SARS2: variants seen among roughly 807,000 people sequenced by gnomAD.
The protein encoded by SARS2 is seryl-tRNA synthetase 2, mitochondrial.
In SARS2, 52 loss-of-function variants were observed where a neutral mutation model predicts 66.8. The observed-to-expected ratio is 0.78, with a 90% CI of 0.62 to 0.98. The LOEUF (loss-of-function observed/expected upper bound fraction) is 0.98. Among genes scored for constraint, SARS2 ranks in the 50% least tolerant of loss-of-function variants. The pLI is 0.00. For synonymous variants in SARS2, 306 were observed against 281.4 expected (o/e 1.09, Z -0.87); for missense variants, 673 against 706.3 (o/e 0.95, Z 0.53).
At position 38,915,306 on chromosome 19, in the gene SARS2, G is replaced by A; in HGVS notation, c.*300C>T. ...TATTGGGGACTTTTTGCTCAGCACT[G>A]TAGGAGGAAAGAAGGAAGGAGGGAT... On this transcript the variant is annotated 3_prime_UTR_variant, in exon 16 of 16. Transcript: ENST00000221431. 1 of 549,646 alleles carries A rather than the reference G, an allele frequency of 1.8e-6. No individual in the cohort carries two copies. Among genetic ancestry groups the A allele is most frequent in the South Asian group, 2.7e-5 (1 of 37,036 alleles). 34.0% of individuals were successfully genotyped at this position (549,646 alleles called of 1,614,324 possible). A position where few individuals can be genotyped will look rare whatever the true frequency, so the allele number is the denominator to read the frequency against.
In SARS2 at chr19:38,930,741, G is replaced by T. The variant is rs376534605; in HGVS notation, c.-5C>A. ...CCGCGCCATGGACGCAGCCATCTTG[G>T]ACCGGGAACAAGGCGGCACTTCGTC... is the stretch of plus-strand genomic sequence containing the variant. On this transcript the variant is annotated 5_prime_UTR_variant, in exon 1 of 16. Coordinates refer to ENST00000221431, the MANE Select transcript of SARS2 (RefSeq NM_017827.4). 1.8e-4 allele frequency: 293 copies of T among 1,612,686 alleles called. No individual in the cohort carries two copies. The highest frequency in any genetic ancestry group is 2.3e-4 in the Non-Finnish European group (267 of 1,180,018).
chr19:38,917,541 G>C (rs529481963), intron 12 of SARS2, among the ~76,000 whole-genome samples, 183 bp downstream of exon 12: 1 of 152,240 alleles, frequency 6.6e-6, no homozygotes, highest in African/African-American at 2.4e-5. Flanking sequence ...AGTCCTGTGA[G>C]GGACGACCGG....
In SARS2 at chr19:38,916,245, C is replaced by T; in HGVS notation, c.1230G>A (p.Met410Ile). 1 of 1,614,048 alleles carries T rather than the reference C, an allele frequency of 6.2e-7. No homozygotes were observed. Among genetic ancestry groups the T allele is most frequent in the Non-Finnish European group, 8.5e-7 (1 of 1,179,916 alleles). Residue 410 changes from methionine (M) to isoleucine (I), a missense_variant, in exon 13 of 16, where the codon ATG (methionine) becomes ATA (isoleucine). Met to Ile is a conservative substitution (Grantham distance 10, BLOSUM62 1). Transcript: ENST00000221431. ...CCTCTCCAAAGCGGCCTCGGCCTGG[C>T]ATCCAGGCCTCAATGTCAAACTTGC... ...AYRKFDIEAW[M>I]PGRGRFGEVT...
chr19:38,920,659 A>T (rs1974504960), intron 5 of SARS2, among the ~76,000 whole-genome samples: 1 of 151,958 alleles, frequency 6.6e-6, no homozygotes, highest in African/African-American at 2.4e-5. Flanking sequence ...ACATACACAG[A>T]CACGCAGAGA....
At chr19:38,923,697 C>G (rs761033801) in intron 2 of SARS2, among the ~76,000 whole-genome samples, 2 of 146,506 alleles carry the variant, frequency 1.4e-5, no homozygotes, top group Non-Finnish European at 3.0e-5. Flanking sequence ...ATACAAAAAT[C>G]AGGCCGGGCT....
intron 2 of SARS2, 48 bp downstream of exon 2, chr19:38,926,157 G>C: frequency 1.4e-6 from 2 of 1,467,688 alleles, no homozygotes; most frequent in Non-Finnish European, 1.9e-6. Flanking sequence ...CCTGTGTCTA[G>C]AGACACCCTC....
In SARS2 at chr19:38,915,711, G is replaced by A. The variant is rs369702288; in HGVS notation, c.1452C>T (p.Tyr484=). 2.5e-6 allele frequency: 4 copies of A among 1,613,304 alleles called. No individual in the cohort carries two copies. The highest frequency in any genetic ancestry group is 3.4e-6 in the Non-Finnish European group (4 of 1,179,602). The change falls in exon 16 of 16, where the codon TAC becomes TAT. Residue 484 remains tyrosine, a synonymous_variant. Transcript: ENST00000221431. The part of the protein sequence containing the change: ...SVLVPPALQS[Y]LGTDRITAPT... ...GGGCTGTGATCCGATCAGTGCCGAGGTAGGACTGGAGGGCAGGGGGCACGA... is the reference window on the plus strand; with the variant it reads ...GGGCTGTGATCCGATCAGTGCCGAGATAGGACTGGAGGGCAGGGGGCACGA...
chr19:38,918,542 G>C lies in SARS2; in HGVS notation c.808-12C>G, dbSNP rs892722176. Reference sequence around the variant, plus strand: ...ATCCCACAGCCTTCCTGGGGGAGGAGGCCAGGCCACAGGGATCAGGGGACA... The same window carrying C: ...ATCCCACAGCCTTCCTGGGGGAGGACGCCAGGCCACAGGGATCAGGGGACA... On this transcript the variant is annotated splice_polypyrimidine_tract_variant and intron_variant, in intron 8 of 15. Coordinates refer to ENST00000221431, the MANE Select transcript of SARS2 (RefSeq NM_017827.4). 5 of 1,597,308 alleles carry C rather than the reference G, an allele frequency of 3.1e-6. No homozygotes were observed. The highest frequency in any genetic ancestry group is 1.3e-5 in the African/African-American group (1 of 74,522).
chr19:38,915,548 G>T lies in SARS2; in HGVS notation c.*58C>A. 6.3e-7 allele frequency: 1 copy of T among 1,590,870 alleles called. No individual in the cohort carries two copies. The highest frequency in any genetic ancestry group is 8.6e-7 in the Non-Finnish European group (1 of 1,168,774). ...TCAGCAACACAGGTCCCAGGTGTCC[G>T]GGGTCTCCTGAACTCCAGGAAGCAG... On this transcript the variant is annotated 3_prime_UTR_variant, in exon 16 of 16. Coordinates refer to ENST00000221431, the MANE Select transcript of SARS2 (RefSeq NM_017827.4).
intron 1 of SARS2, among the ~76,000 whole-genome samples, chr19:38,929,815 G>A (rs1349433392): frequency 6.6e-6 from 1 of 152,120 alleles, no homozygotes; most frequent in African/African-American, 2.4e-5. Context: ...GAAGACGTGG[G>A]GACCCCACTA....
intron 2 of SARS2, among the ~76,000 whole-genome samples, 163 bp downstream of exon 2, chr19:38,926,042 C>T (rs571975786): frequency 6.6e-6 from 1 of 152,336 alleles, no homozygotes; most frequent in East Asian, 1.9e-4. Flanking sequence ...TCTCAAACTC[C>T]TGACCTCAGC....
chr19:38,917,906 C>A lies in SARS2; in HGVS notation c.1050+15G>T. ...GCCCCCCACCCCAGCCCCGTTTAGT[C>A]CCAGCGACACCAGCCTTGGTGAAGT... On this transcript the variant is annotated intron_variant, in intron 11 of 15. Transcript: ENST00000221431. The A allele has an allele frequency of 6.2e-7, 1 of 1,612,956 alleles. No individual in the cohort carries two copies. The highest frequency in any genetic ancestry group is 1.7e-5 in the Admixed American group (1 of 59,796).
Position 38,915,595 on chromosome 19 carries a change from T to C in SARS2, c.*11A>G. The C allele has an allele frequency of 3.1e-6, 5 of 1,611,098 alleles. No homozygotes were observed. Among genetic ancestry groups the C allele is most frequent in the Non-Finnish European group, 4.2e-6 (5 of 1,179,720 alleles). ...GCAGTGACACCCCCGAGGGCTGCTG[T>C]GGGTGGGTTCTTAGCTTACAGCAGG... On this transcript the variant is annotated 3_prime_UTR_variant, in exon 16 of 16. Transcript: ENST00000221431.
intron 1 of SARS2, among the ~76,000 whole-genome samples, chr19:38,926,759 G>A (rs1345712634): frequency 2.0e-5 from 3 of 151,974 alleles, no homozygotes; most frequent in Admixed American, 6.6e-5. Context: ...GCACACTCCA[G>A]CCTGGGCAAC....
At chr19:38,929,649 C>T (rs1312358115) in intron 1 of SARS2, among the ~76,000 whole-genome samples, 1 of 151,790 alleles carries the variant, frequency 6.6e-6, no homozygotes, top group Non-Finnish European at 1.5e-5. Flanking sequence ...CATGACCTAG[C>T]GCAAGTGAAT....
At chr19:38,924,039 C>T (rs936196100) in intron 2 of SARS2, among the ~76,000 whole-genome samples, 1 of 150,168 alleles carries the variant, frequency 6.7e-6, no homozygotes, top group Non-Finnish European at 1.5e-5. Flanking sequence ...GGCTGAGGCA[C>T]GAGAATCCCT....
intron 5 of SARS2, 102 bp downstream of exon 5, chr19:38,921,290 A>G: frequency 8.0e-7 from 1 of 1,242,452 alleles, no homozygotes; most frequent in Non-Finnish European, 1.2e-6. Context: ...GGAGTTCTCC[A>G]GGCTCCAGAC....
chr19:38,926,116 G>A, intron 2 of SARS2, 89 bp downstream of exon 2: 1 of 1,141,704 alleles, frequency 8.8e-7, no homozygotes, highest in East Asian at 2.4e-5. Context: ...GTGCCAGCCT[G>A]TTCAAGTTCT....
intron 2 of SARS2, among the ~76,000 whole-genome samples, chr19:38,923,469 A>G (rs12985428): frequency 0.75 from 106,549 of 142,908 alleles, 40,262 homozygotes; most frequent in East Asian, 0.96. Flanking sequence ...TGATCCGCCC[A>G]CCTCGGCCTC....
Sources: gnomAD v4.1 joint callset for allele counts (sites outside exome capture counted in the v4.1 genomes callset) on GRCh38, gnomAD v4.1.1 for gene constraint, MANE v1.5 for transcripts, NCBI Gene and HGNC (gene_info 2026-07-23, HGNC 2026-07-21) for gene names.